The following RBFOX2 variants were observed in gnomAD, a reference collection of about 807,000 sequenced individuals.
The protein encoded by RBFOX2 is RNA binding fox-1 homolog 2, also known as RNA binding protein fox-1 homolog 2.
Under a neutral mutation model 49.1 loss-of-function variants are expected in RBFOX2, and 10 were observed. The ratio of observed to expected loss-of-function variants is 0.20; its 90% confidence interval spans 0.13 to 0.35. The LOEUF (loss-of-function observed/expected upper bound fraction) is 0.35, where lower values mean the gene tolerates loss of function less well. Among genes scored for constraint, RBFOX2 ranks in the 10% least tolerant of loss-of-function variants. RBFOX2 has a pLI of 1.00. For synonymous variants in RBFOX2, 183 were observed against 187.4 expected, an observed-to-expected ratio of 0.98 and a Z score of 0.19; for missense variants, 323 against 486.9, an observed-to-expected ratio of 0.66 and a Z score of 3.17.
intron 2 of RBFOX2, among the ~76,000 whole-genome samples, chr22:35,803,965 T>G (rs28837837): frequency 3.9e-5 from 6 of 152,198 alleles, no homozygotes; most frequent in Admixed American, 6.5e-5. Context: ...AAAACCCCTA[T>G]GGGAGAACAC....
chr22:35,756,245 C>A, intron 9 of RBFOX2, 101 bp from the exon 11 acceptor site: 2 of 1,080,090 alleles, frequency 1.9e-6, no homozygotes, highest in Non-Finnish European at 1.2e-6. Context: ...TCTACACAGG[C>A]AGGTGATGTA....
rs1265284710 is a variant in RBFOX2 at position 35,928,117 on chromosome 22, A to G, written c.-34+10730T>C. Among the ~76,000 whole-genome samples the G allele has an allele frequency of 2.0e-5, 3 of 152,260 alleles. No individual in the cohort carries two copies. The East Asian group carries it at 5.8e-4, about 29-fold the overall frequency. The stretch of plus-strand genomic sequence containing the variant: ...ACCTTTCATAATAGGAATTATTCCT[A>G]TTTCACAGATGAAGAAATTGAGGCT... On this transcript the variant is annotated intron_variant, in intron 1 of 13. Transcript: ENST00000359369.
chr22:35,961,202 C>T (rs1470654165), intron 1 of RBFOX2, among the ~76,000 whole-genome samples: 2 of 152,080 alleles, frequency 1.3e-5, no homozygotes, highest in Non-Finnish European at 2.9e-5. Flanking sequence ...CTGCATGCAG[C>T]ACCATAAAAG....
At chr22:35,847,954 A>G (rs2041426905) in intron 1 of RBFOX2, among the ~76,000 whole-genome samples, 1 of 152,148 alleles carries the variant, frequency 6.6e-6, no homozygotes, top group Non-Finnish European at 1.5e-5. Context: ...GAACTCTTTA[A>G]TCCACCCCAA....
chr22:35,933,141 G>A (rs1227490349), intron 1 of RBFOX2, among the ~76,000 whole-genome samples: 3 of 152,118 alleles, frequency 2.0e-5, no homozygotes, highest in African/African-American at 7.2e-5. Flanking sequence ...GCTGAAAATC[G>A]GGGTTCAAGT....
chr22:35,976,073 A>G (rs2057132987), intron 1 of RBFOX2, among the ~76,000 whole-genome samples: 1 of 152,148 alleles, frequency 6.6e-6, no homozygotes, highest in South Asian at 2.1e-4. Flanking sequence ...TAACTCTGCC[A>G]CTTCATGACG....
rs146451220 is a variant in RBFOX2 at position 35,782,370 on chromosome 22, C to G, written c.253-624G>C. On this transcript the variant is annotated intron_variant, in intron 2 of 11. Coordinates refer to ENST00000405409, the Ensembl canonical transcript of RBFOX2. The stretch of plus-strand genomic sequence containing the variant: ...AGAGTCTCGCTCTGTCGCCCAGGCT[C>G]GAGTGCAGTGGTGCAATCTCGGGTC... 6.8e-3 allele frequency among the ~76,000 whole-genome samples: 1,032 copies of G among 152,164 alleles called. 5 individuals carry two copies. The highest frequency in any genetic ancestry group is 0.015 in the South Asian group (74 of 4,806).
intron 1 of RBFOX2, among the ~76,000 whole-genome samples, chr22:35,866,118 T>G (rs1249850168): frequency 6.6e-6 from 1 of 152,146 alleles, no homozygotes; most frequent in Non-Finnish European, 1.5e-5. Context: ...AAAGGTTGGT[T>G]TAGGGGTAAG....
At chr22:35,958,975 A>T (rs2055900452) in intron 1 of RBFOX2, among the ~76,000 whole-genome samples, 1 of 151,900 alleles carries the variant, frequency 6.6e-6, no homozygotes, top group African/African-American at 2.4e-5. Context: ...ATATATATAT[A>T]TTGTGTAAAG....
chr22:35,791,385 CA>C (rs5845238), intron 2 of RBFOX2, among the ~76,000 whole-genome samples: 212 of 129,864 alleles, frequency 1.6e-3, no homozygotes, highest in Middle Eastern at 8.4e-3. Context: ...AACTCTGTCT[CA>C]AAAAAAAAAA....
chr22:35,760,058 T>C (rs1310851857), intron 8 of RBFOX2, 38 bp from the exon 10 acceptor site: 1 of 1,611,448 alleles, frequency 6.2e-7, no homozygotes, highest in South Asian at 1.1e-5. Context: ...AATTTCAACT[T>C]GCATTCAATA....
chr22:35,990,115 A>T (rs960097917), intron 1 of RBFOX2, among the ~76,000 whole-genome samples: 3 of 152,146 alleles, frequency 2.0e-5, no homozygotes, highest in African/African-American at 7.2e-5. Flanking sequence ...CTCAGGAGGC[A>T]GAGGTTGCAG....
At chr22:35,880,085 G>A (rs2045682984) in intron 1 of RBFOX2, among the ~76,000 whole-genome samples, 1 of 152,210 alleles carries the variant, frequency 6.6e-6, no homozygotes, top group Admixed American at 6.5e-5. Flanking sequence ...GAACCTGAGA[G>A]GCGGAGGTTG....
intron 1 of RBFOX2, among the ~76,000 whole-genome samples, chr22:35,813,155 T>C (rs1407524178): frequency 6.6e-6 from 1 of 152,206 alleles, no homozygotes; most frequent in Non-Finnish European, 1.5e-5. Context: ...TGTTTATATA[T>C]TAAGGGAATG....
intron 1 of RBFOX2, among the ~76,000 whole-genome samples, chr22:35,950,785 C>CG (rs2149838839): frequency 6.6e-6 from 1 of 152,078 alleles, no homozygotes; most frequent in African/African-American, 2.4e-5. Flanking sequence ...ATCTCGGTCC[C>CG]GGGGTAGCTG....
chr22:35,885,774 C>T (rs553425638), intron 1 of RBFOX2, among the ~76,000 whole-genome samples: 5 of 151,204 alleles, frequency 3.3e-5, no homozygotes, highest in East Asian at 1.9e-4. Flanking sequence ...AGTAAAACAC[C>T]GTACAAGTTA....
intron 1 of RBFOX2, among the ~76,000 whole-genome samples, chr22:35,931,772 C>A (rs990523479): frequency 3.9e-5 from 6 of 151,960 alleles, no homozygotes; most frequent in African/African-American, 1.4e-4. Context: ...GAGACTCCAT[C>A]TCAAAAAAAT....
chr22:35,744,366 T>C, intron 11 of RBFOX2, 117 bp from the exon 14 acceptor site: 7 of 934,810 alleles, frequency 7.5e-6, no homozygotes, highest in Non-Finnish European at 9.4e-6. Flanking sequence ...TCAAAGCAAC[T>C]GATCAAGCAT....
chr22:35,785,773 T>A (rs1337239888), intron 2 of RBFOX2, among the ~76,000 whole-genome samples: 1 of 152,202 alleles, frequency 6.6e-6, no homozygotes, highest in South Asian at 2.1e-4. Flanking sequence ...TATGAAGCAA[T>A]GTTCTGTGAA....
Sources: gnomAD v4.1 joint callset for allele counts (sites outside exome capture counted in the v4.1 genomes callset) on GRCh38, gnomAD v4.1.1 for gene constraint, MANE v1.5 for transcripts, NCBI Gene and HGNC (gene_info 2026-07-23, HGNC 2026-07-21) for gene names.